Variants in FN1 observed in about 807,000 individuals in gnomAD.
FN1 encodes the protein fibronectin.
FN1 carries 106 observed loss-of-function variants against 297.3 expected under a neutral mutation model. That is an observed-to-expected ratio of 0.36 (90% CI 0.30 to 0.42). The LOEUF (loss-of-function observed/expected upper bound fraction) is 0.42. FN1 is among the 10% of genes least tolerant of loss of function. FN1 has a pLI of 1.00. For missense variants in FN1, 2,690 were observed against 3,124.9 expected (o/e 0.86, Z 3.32); for synonymous variants, 1,149 against 1,152.6 (o/e 1.00, Z 0.06).
chr2:215,384,256 AC>A, intron 29 of FN1, 72 bp from the exon 30 acceptor site: 1 of 1,404,376 alleles, frequency 7.1e-7, no homozygotes, highest in South Asian at 1.2e-5. Context: ...TAATTGAATT[AC>A]CACATTTATA....
Position 215,399,547 on chromosome 2 carries a change from G to C in FN1, c.3254-196C>G, listed in dbSNP as rs2372544. Among the ~76,000 whole-genome samples, 183 of 151,988 alleles carry C rather than the reference G, an allele frequency of 1.2e-3. 3 individuals are homozygous for C. Among genetic ancestry groups the C allele is most frequent in the African/African-American group, 4.2e-3 (175 of 41,456 alleles). ...CTTTAATGTGCCACACACATCATCT[G>C]GGGTCTGGCTAAAATGCAGATTCTG... is the stretch of plus-strand genomic sequence containing the variant. On this transcript the variant is annotated intron_variant, in intron 20 of 45. Coordinates refer to ENST00000354785, the MANE Select transcript of FN1 (RefSeq NM_212482.4).
intron 12 of FN1, among the ~76,000 whole-genome samples, chr2:215,418,177 CCAGCACTGA>C (rs1352181153): frequency 6.6e-6 from 1 of 152,156 alleles, no homozygotes. Flanking sequence ...GTCACCTTCC[CCAGCACTGA>C]CAGTGTCTGA....
In FN1 at chr2:215,391,828, A is replaced by C; in HGVS notation, c.4070-14T>G. 1 of 1,613,162 alleles carries C rather than the reference A, an allele frequency of 6.2e-7. No homozygotes were observed. The highest frequency in any genetic ancestry group is 1.1e-5 in the South Asian group (1 of 91,056). The stretch of plus-strand genomic sequence containing the variant: ...GAGGAGGAACAGCTGGTTTCGAACA[A>C]GAAGGAAGACTCAGTTAATGTAATT... On this transcript the variant is annotated splice_polypyrimidine_tract_variant and intron_variant, in intron 25 of 45. Transcript: ENST00000354785.
intron 31 of FN1, 84 bp downstream of exon 31, chr2:215,383,244 G>A (rs1437182861): frequency 1.5e-6 from 2 of 1,369,492 alleles, no homozygotes; most frequent in Admixed American, 1.7e-5. Flanking sequence ...CTAACCTCAA[G>A]TGATCTGCCC....
At chr2:215,370,538 G>GAAA in intron 40 of FN1, 106 bp from the exon 41 acceptor site, 2 of 393,390 alleles carry the variant, frequency 5.1e-6, no homozygotes, top group South Asian at 5.1e-5. Context: ...AGCAAAGGAA[G>GAAA]ACAAAAAACA....
chr2:215,419,530 C>T, intron 11 of FN1, 145 bp from the exon 12 acceptor site: 1 of 742,934 alleles, frequency 1.3e-6, no homozygotes, highest in East Asian at 2.7e-5. Context: ...ATATTTTGTT[C>T]ACATTCTTTA....
Position 215,375,293 on chromosome 2 carries a change from G to A in FN1, c.6078C>T (p.Ile2026=). 1.2e-6 allele frequency: 2 copies of A among 1,614,158 alleles called. No homozygotes were observed. Among genetic ancestry groups the A allele is most frequent in the Non-Finnish European group, 1.7e-6 (2 of 1,180,008 alleles). ...PPRARITGYI[I]KYEKPGSPPR... is the part of the protein sequence containing the mutation. ...GAGGAGACCCAGGCTTCTCATACTT[G>A]ATGATGTAGCCGGTAATCCTGGCAC... Residue 2026 remains isoleucine (I), a synonymous_variant, in exon 38 of 46, where the codon ATC becomes ATT. Transcript: ENST00000354785.
chr2:215,432,894 A>T (rs543094241), intron 3 of FN1, among the ~76,000 whole-genome samples: 2 of 152,254 alleles, frequency 1.3e-5, no homozygotes, highest in South Asian at 4.2e-4. Flanking sequence ...TGCATTGCAA[A>T]CATGAAGACC....
intron 33 of FN1, 57 bp downstream of exon 33, chr2:215,380,754 A>T (rs903895383): frequency 1.9e-6 from 3 of 1,590,762 alleles, no homozygotes; most frequent in Non-Finnish European, 2.6e-6. Context: ...TAATTCATTC[A>T]GTAGGGCATA....
rs544781247 is a variant in FN1, at chr2:215,383,345, G to A, written c.5033C>T (p.Thr1678Ile). The A allele has an allele frequency of 6.2e-7, 1 of 1,614,118 alleles. No individual in the cohort carries two copies. The highest frequency in any genetic ancestry group is 1.1e-5 in the South Asian group (1 of 91,086). ...TPKNGPGPTK[T>I]KTAGPDQTEM... ...ATTCTTACCTGGACCTGCAGTTTTA[G>A]TTTTTGTTGGTCCTGGTCCATTTTT... The change falls in exon 31 of 46, where the codon ACT becomes ATT. Residue 1678 changes from threonine to isoleucine, a missense_variant. Physicochemically the swap from Thr to Ile is moderately conservative, Grantham distance 89. Transcript: ENST00000354785.
intron 38 of FN1, 67 bp from the exon 39 acceptor site, chr2:215,373,478 AC>A: frequency 7.7e-7 from 1 of 1,305,016 alleles, no homozygotes; most frequent in Non-Finnish European, 1.1e-6. Flanking sequence ...AGTCGGTCTC[AC>A]CAGCAGACGC....
chr2:215,368,572 A>T (rs1253957409), intron 41 of FN1, among the ~76,000 whole-genome samples: 1 of 152,264 alleles, frequency 6.6e-6, no homozygotes, highest in Non-Finnish European at 1.5e-5. Flanking sequence ...ATAATTATTA[A>T]AGGCTGTCTT....
intron 44 of FN1, among the ~76,000 whole-genome samples, chr2:215,364,159 C>A (rs2054066492): frequency 6.6e-6 from 1 of 152,226 alleles, no homozygotes; most frequent in African/African-American, 2.4e-5. Context: ...AATTTAACAT[C>A]TTCAACTATA....
chr2:215,416,231 T>C (rs1164656427), intron 12 of FN1, among the ~76,000 whole-genome samples: 2 of 152,166 alleles, frequency 1.3e-5, no homozygotes, highest in Admixed American at 6.5e-5. Context: ...TGGTTGAAGA[T>C]TAGCAAATAC....
Position 215,435,847 on chromosome 2 carries a change from C to T in FN1, c.-45G>A. On this transcript the variant is annotated 5_prime_UTR_variant, in exon 1 of 46. Transcript: ENST00000354785. Reference sequence around the variant, plus strand: ...GACGCCCGCACCGGGAGGCAAGTTGCCACCAAGTTTGCTTCCCTTCGCAAC... The same window carrying T: ...GACGCCCGCACCGGGAGGCAAGTTGTCACCAAGTTTGCTTCCCTTCGCAAC... 2 of 1,511,158 alleles carry T rather than the reference C, an allele frequency of 1.3e-6. No homozygotes were observed. Among genetic ancestry groups the T allele is most frequent in the Non-Finnish European group, 8.8e-7 (1 of 1,131,678 alleles). 93.6% of individuals were successfully genotyped at this position (1,511,158 alleles called of 1,614,324 possible). A position where few individuals can be genotyped will look rare whatever the true frequency, so the allele number is the denominator to read the frequency against.
At chr2:215,417,337 T>G (rs1474410587) in intron 12 of FN1, among the ~76,000 whole-genome samples, 1 of 152,214 alleles carries the variant, frequency 6.6e-6, no homozygotes, top group Non-Finnish European at 1.5e-5. Context: ...TCTACACTTT[T>G]AAAATTAGTT....
intron 11 of FN1, among the ~76,000 whole-genome samples, chr2:215,419,658 T>C (rs1449475078): frequency 6.6e-6 from 1 of 152,074 alleles, no homozygotes; most frequent in African/African-American, 2.4e-5. Context: ...TCAGTGTATA[T>C]TGATAATCTA....
In FN1 at chr2:215,420,913, T is replaced by C. The variant is rs1575753003; in HGVS notation, c.1547-112A>G. The stretch of plus-strand genomic sequence containing the variant: ...TACTTCCACTTAATTATCAACACCT[T>C]CCACTAAAATAACTTTTCTACAAGC... On this transcript the variant is annotated intron_variant, in intron 10 of 45. Transcript: ENST00000354785. 13 of 966,366 alleles carry C rather than the reference T, an allele frequency of 1.3e-5. No individual in the cohort carries two copies. In the Admixed American group the frequency reaches 2.4e-4, roughly 18 times the overall value. The allele number at this position is 966,366 out of a possible 1,614,324, so 59.9% of individuals were successfully genotyped here. A position where few individuals can be genotyped will look rare whatever the true frequency, so the allele number is the denominator to read the frequency against.
chr2:215,427,261 C>T (rs1256569915), intron 6 of FN1, among the ~76,000 whole-genome samples: 1 of 152,042 alleles, frequency 6.6e-6, no homozygotes, highest in African/African-American at 2.4e-5. Context: ...ATCTTGTTCA[C>T]CTTCATAAGT....
Sources: gnomAD v4.1 joint callset for allele counts (sites outside exome capture counted in the v4.1 genomes callset) on GRCh38, gnomAD v4.1.1 for gene constraint, MANE v1.5 for transcripts, NCBI Gene and HGNC (gene_info 2026-07-23, HGNC 2026-07-21) for gene names.